Variants in ZNF385D observed in about 807,000 individuals in gnomAD.
ZNF385D encodes zinc finger protein 659.
In ZNF385D, 15 loss-of-function variants were observed where a neutral mutation model predicts 35.8. The observed-to-expected ratio is 0.42, with a 90% confidence interval of 0.28 to 0.64. The LOEUF (loss-of-function observed/expected upper bound fraction) is 0.64, where lower values mean the gene tolerates loss of function less well. Ranked by LOEUF, ZNF385D falls within the 30% of genes least tolerant of loss-of-function variation. The pLI is 0.23. For missense variants in ZNF385D, 474 were observed against 494.6 expected (o/e 0.96, Z 0.39); for synonymous variants, 212 against 186.8 (o/e 1.13, Z -1.10).
At chr3:22,369,229 C>A (rs960866860) in intron 2 of ZNF385D, among the ~76,000 whole-genome samples, 2 of 152,176 alleles carry the variant, frequency 1.3e-5, no homozygotes, top group Non-Finnish European at 2.9e-5. Context: ...TTTCAGAGAT[C>A]TGGTTGTTCA....
chr3:21,894,595 G>C (rs904762446), intron 3 of ZNF385D, among the ~76,000 whole-genome samples: 6 of 152,054 alleles, frequency 3.9e-5, no homozygotes, highest in African/African-American at 1.4e-4. Context: ...GACCTTCTTT[G>C]TAATTATTTA....
At chr3:22,092,646 G>A (rs1055755222) in intron 3 of ZNF385D, among the ~76,000 whole-genome samples, 2 of 151,990 alleles carry the variant, frequency 1.3e-5, no homozygotes, top group Admixed American at 1.3e-4. Flanking sequence ...ATGGGTAGTG[G>A]CCCCTATAAT....
chr3:22,152,527 C>T (rs769147832), intron 3 of ZNF385D, among the ~76,000 whole-genome samples: 5 of 152,068 alleles, frequency 3.3e-5, no homozygotes, highest in Non-Finnish European at 7.4e-5. Flanking sequence ...GAATCTGTTT[C>T]CTTGCCTCTT....
At chr3:21,714,892 G>T (rs774982556) in intron 1 of ZNF385D, among the ~76,000 whole-genome samples, 1 of 152,054 alleles carries the variant, frequency 6.6e-6, no homozygotes, top group Non-Finnish European at 1.5e-5. Flanking sequence ...TATTAAAATG[G>T]TTACTAAAAT....
intron 2 of ZNF385D, among the ~76,000 whole-genome samples, chr3:22,185,656 T>G (rs1417657387): frequency 1.3e-5 from 2 of 152,100 alleles, no homozygotes; most frequent in Non-Finnish European, 1.5e-5. Context: ...TTAGTAGAGA[T>G]AGCGATTCAC....
chr3:21,458,509 C>T (rs945279459), intron 4 of ZNF385D, among the ~76,000 whole-genome samples: 1 of 151,068 alleles, frequency 6.6e-6, no homozygotes, highest in African/African-American at 2.4e-5. Context: ...AGAGAAAGAC[C>T]ATGTCTCTAG....
chr3:21,686,809 A>T (rs2067120072), intron 1 of ZNF385D, among the ~76,000 whole-genome samples: 1 of 152,234 alleles, frequency 6.6e-6, no homozygotes, highest in South Asian at 2.1e-4. Flanking sequence ...TATAGATTCA[A>T]GGTTTAATTG....
chr3:22,002,395 T>A (rs1436005752), intron 3 of ZNF385D, among the ~76,000 whole-genome samples: 1 of 151,954 alleles, frequency 6.6e-6, no homozygotes, highest in Non-Finnish European at 1.5e-5. Context: ...GAAGCAGGAA[T>A]GAACAAACTA....
rs190251249 is a variant in ZNF385D, at chr3:22,339,334, T to G, written c.106+33116A>C. On this transcript the variant is annotated intron_variant, in intron 2 of 5. Transcript: ENST00000494108. ...TTATATTAACATAGCTAATATCATTTTCTCACCTTCTTTGTGAACAAGGAA... is the reference window on the plus strand; with the variant it reads ...TTATATTAACATAGCTAATATCATTGTCTCACCTTCTTTGTGAACAAGGAA... Among the ~76,000 whole-genome samples the G allele has an allele frequency of 9.2e-5, 14 of 152,324 alleles. No individual in the cohort carries two copies. In the East Asian group the frequency reaches 2.7e-3, roughly 29 times the overall value.
intron 2 of ZNF385D, among the ~76,000 whole-genome samples, chr3:21,610,151 A>AAAAAT (rs1472437541): frequency 2.0e-5 from 3 of 151,870 alleles, no homozygotes; most frequent in African/African-American, 7.3e-5. Flanking sequence ...TACCAAAAAA[A>AAAAAT]AAATGTGTTT....
At chr3:22,215,008 T>A (rs915945824) in intron 2 of ZNF385D, among the ~76,000 whole-genome samples, 9 of 151,958 alleles carry the variant, frequency 5.9e-5, no homozygotes, top group Admixed American at 5.9e-4. Context: ...ACATGTGATG[T>A]CTCCCCCAGA....
intron 3 of ZNF385D, among the ~76,000 whole-genome samples, chr3:22,153,715 C>T (rs776636599): frequency 9.9e-5 from 15 of 152,022 alleles, no homozygotes; most frequent in Non-Finnish European, 2.1e-4. Flanking sequence ...CCACCCACCT[C>T]GGCCTCCCAA....
intron 3 of ZNF385D, among the ~76,000 whole-genome samples, chr3:22,082,886 T>C (rs865873417): frequency 1.3e-5 from 2 of 152,214 alleles, no homozygotes; most frequent in African/African-American, 4.8e-5. Flanking sequence ...TTTGCTGTTC[T>C]ACAATATTTG....
chr3:22,105,679 G>T (rs1295169487), intron 3 of ZNF385D, among the ~76,000 whole-genome samples: 2 of 152,044 alleles, frequency 1.3e-5, no homozygotes, highest in Non-Finnish European at 2.9e-5. Context: ...GTAAGGCAGA[G>T]AATCAATTCA....
At chr3:22,200,963 A>G (rs1213904273) in intron 2 of ZNF385D, among the ~76,000 whole-genome samples, 1 of 152,088 alleles carries the variant, frequency 6.6e-6, no homozygotes, top group African/African-American at 2.4e-5. Context: ...CAGATTTCAT[A>G]TTGTTCAAAC....
At chr3:22,310,349 T>TA (rs1486746582) in intron 2 of ZNF385D, among the ~76,000 whole-genome samples, 2 of 151,998 alleles carry the variant, frequency 1.3e-5, no homozygotes, top group African/African-American at 4.8e-5. Flanking sequence ...GCCTAGCACA[T>TA]AACCTGTAAC....
At chr3:21,967,157 G>C (rs992342987) in intron 3 of ZNF385D, among the ~76,000 whole-genome samples, 15 of 152,278 alleles carry the variant, frequency 9.9e-5, no homozygotes, top group Admixed American at 9.2e-4. Context: ...TAGATGTGAT[G>C]TAATGGTCAT....
In ZNF385D at chr3:21,746,363, C is replaced by A. The variant is rs562418939; in HGVS notation, c.22+4532G>T. On this transcript the variant is annotated intron_variant, in intron 1 of 7. Transcript: ENST00000281523. The stretch of plus-strand genomic sequence containing the variant: ...TGTGATAAGGAATCCATGTCACTGG[C>A]ATGTTGATCAAATTTGGAATTTGGC... 2.0e-5 allele frequency among the ~76,000 whole-genome samples: 3 copies of A among 152,208 alleles called. No homozygotes were observed. The South Asian group carries it at 6.2e-4, about 32-fold the overall frequency.
At chr3:21,728,957 G>A (rs1001720836) in intron 1 of ZNF385D, among the ~76,000 whole-genome samples, 11 of 152,172 alleles carry the variant, frequency 7.2e-5, no homozygotes, top group African/African-American at 2.4e-4. Flanking sequence ...TTCACCTCTA[G>A]TGTCTGGAAC....
Sources: gnomAD v4.1 joint callset for allele counts (sites outside exome capture counted in the v4.1 genomes callset) on GRCh38, gnomAD v4.1.1 for gene constraint, MANE v1.5 for transcripts, NCBI Gene and HGNC (gene_info 2026-07-23, HGNC 2026-07-21) for gene names.